Variants in DACH2 observed in about 807,000 individuals in gnomAD.
The protein encoded by DACH2 is dachshund family transcription factor 2, also known as dachshund homolog 2.
A neutral mutation model predicts 35.8 loss-of-function variants in DACH2; 17 were observed. The ratio of observed to expected loss-of-function variants is 0.48; its 90% CI spans 0.33 to 0.71. The LOEUF (loss-of-function observed/expected upper bound fraction) is 0.71. DACH2 is among the 30% of genes least tolerant of loss of function. DACH2 has a pLI of 0.02. For synonymous variants in DACH2, 195 were observed against 177.3 expected (o/e 1.10, Z -0.79); for missense variants, 469 against 472.7 (o/e 0.99, Z 0.07).
At chrX:86,511,824 T>C (rs1400657172) in intron 2 of DACH2, among the ~76,000 whole-genome samples, 8 of 111,865 alleles carry the variant, frequency 7.2e-5, no homozygotes, top group Non-Finnish European at 1.1e-4. Context: ...GATCTATCCA[T>C]AGCCTTCTTT....
At chrX:86,400,440 A>G (rs2036402832) in intron 2 of DACH2, among the ~76,000 whole-genome samples, 1 of 111,463 alleles carries the variant, frequency 9.0e-6, no homozygotes, top group Non-Finnish European at 1.9e-5. Flanking sequence ...GTTCCTTTGG[A>G]GGAGGAGAGG....
chrX:86,643,708 A>C (rs1057083223), intron 3 of DACH2, among the ~76,000 whole-genome samples: 5 of 110,999 alleles, frequency 4.5e-5, no homozygotes, highest in Non-Finnish European at 9.5e-5. Context: ...GCAAAAAAAA[A>C]CCTCCACAAA....
chrX:86,653,853 G>C (rs1326999380), intron 4 of DACH2, among the ~76,000 whole-genome samples: 1 of 109,166 alleles, frequency 9.2e-6, no homozygotes, highest in Non-Finnish European at 1.9e-5. Context: ...TTTTAGTAGA[G>C]AAGGGGTTTC....
In DACH2 at chrX:86,814,766, G is replaced by A. The variant is rs143491219; in HGVS notation, c.1616G>A (p.Arg539His). Residue 539 changes from arginine to histidine, a missense_variant, in exon 10 of 12, where the codon CGC becomes CAC. This residue lies in a region of DACH2 where 363 missense variants were observed against 334.4 expected (regional missense o/e 1.09). Transcript: ENST00000373125. ...GAAGCCTTGGAATTTGAATCAAAGC[G>A]CCGGGAGCAAGTGGAGCAGGCACTT... ...LQEALEFESK[R>H]REQVEQALKQ... The A allele has an allele frequency of 4.2e-5, 51 of 1,209,522 alleles. No individual in the cohort carries two copies. Among genetic ancestry groups the A allele is most frequent in the East Asian group, 5.9e-5 (2 of 33,733 alleles).
At chrX:86,231,418 G>A (rs2032945720) in intron 1 of DACH2, among the ~76,000 whole-genome samples, 2 of 110,269 alleles carry the variant, frequency 1.8e-5, no homozygotes, top group Non-Finnish European at 3.8e-5. Context: ...AGGTGTGTCT[G>A]GACTCAGACT....
chrX:86,565,179 C>T (rs1171121201), intron 3 of DACH2, among the ~76,000 whole-genome samples: 1 of 111,763 alleles, frequency 8.9e-6, no homozygotes, highest in Admixed American at 9.6e-5. Flanking sequence ...ATTCATCTGC[C>T]TGCAGTACCC....
At chrX:86,572,692 A>G (rs1324466819) in intron 3 of DACH2, among the ~76,000 whole-genome samples, 3 of 111,617 alleles carry the variant, frequency 2.7e-5, no homozygotes, top group Non-Finnish European at 5.7e-5. Context: ...GATTCATCAT[A>G]TGTATCAGGT....
chrX:86,741,599 A>T (rs1471918601), intron 7 of DACH2, among the ~76,000 whole-genome samples: 1 of 111,771 alleles, frequency 8.9e-6, no homozygotes, highest in African/African-American at 3.2e-5. Context: ...TACGACATAG[A>T]CTACCTGGTT....
chrX:86,720,972 C>A (rs1054317898), intron 6 of DACH2, among the ~76,000 whole-genome samples: 1 of 112,572 alleles, frequency 8.9e-6, no homozygotes, highest in Admixed American at 9.3e-5. Context: ...TTGGGGCTTG[C>A]ACCCTCTGAA....
intron 1 of DACH2, among the ~76,000 whole-genome samples, chrX:86,283,347 A>T (rs5968855): frequency 0.43 from 47,220 of 109,830 alleles, 7,872 homozygotes; most frequent in East Asian, 0.54. Context: ...CTAGAACTAG[A>T]AATACCATTG....
chrX:86,600,707 G>A (rs2039778642), intron 3 of DACH2, among the ~76,000 whole-genome samples: 1 of 111,669 alleles, frequency 9.0e-6, no homozygotes, highest in African/African-American at 3.3e-5. Flanking sequence ...GGATGTCATA[G>A]CCACTTTTAT....
At chrX:86,509,243 T>C (rs768674833) in intron 2 of DACH2, among the ~76,000 whole-genome samples, 4 of 111,601 alleles carry the variant, frequency 3.6e-5, no homozygotes, top group Non-Finnish European at 7.5e-5. Flanking sequence ...CTCTGGTGTG[T>C]TTTTAATTCT....
At chrX:86,322,462 G>A (rs1298949777) in intron 1 of DACH2, among the ~76,000 whole-genome samples, 3 of 111,001 alleles carry the variant, frequency 2.7e-5, no homozygotes, top group East Asian at 2.9e-4. Flanking sequence ...CCCCACCGAC[G>A]GTTCTCCCTC....
chrX:86,255,736 G>A (rs2033506091), intron 1 of DACH2, among the ~76,000 whole-genome samples: 1 of 111,560 alleles, frequency 9.0e-6, no homozygotes, highest in Admixed American at 9.6e-5. Context: ...AAGTAAATGG[G>A]AACAAAATAA....
At chrX:86,639,718 AG>A (rs2040322590) in intron 3 of DACH2, among the ~76,000 whole-genome samples, 1 of 111,472 alleles carries the variant, frequency 9.0e-6, no homozygotes, top group South Asian at 3.8e-4. Flanking sequence ...TCCTTGGTGG[AG>A]GGGCAGGCCA....
At chrX:86,266,640 G>A (rs1449104051) in intron 1 of DACH2, among the ~76,000 whole-genome samples, 1 of 111,417 alleles carries the variant, frequency 9.0e-6, no homozygotes, top group Non-Finnish European at 1.9e-5. Flanking sequence ...GAACCAGACT[G>A]CCCGGTTTTG....
chrX:86,615,228 T>C (rs1244517727), intron 3 of DACH2, among the ~76,000 whole-genome samples: 1 of 111,890 alleles, frequency 8.9e-6, no homozygotes, highest in Non-Finnish European at 1.9e-5. Context: ...AAATGACATT[T>C]CAAGCATTTC....
At chrX:86,342,006 T>C (rs1466061255) in intron 1 of DACH2, among the ~76,000 whole-genome samples, 1 of 111,912 alleles carries the variant, frequency 8.9e-6, no homozygotes, top group Admixed American at 9.5e-5. Flanking sequence ...GCTGTGATCA[T>C]TGCCAAAATG....
intron 2 of DACH2, among the ~76,000 whole-genome samples, chrX:86,465,984 T>G (rs1190399710): frequency 1.8e-5 from 2 of 111,735 alleles, no homozygotes; most frequent in Non-Finnish European, 3.8e-5. Context: ...CATGTATGAA[T>G]TTTTTGGATA....
Sources: allele counts gnomAD v4.1 joint callset (sites outside exome capture counted in the v4.1 genomes callset), GRCh38; gene constraint gnomAD v4.1.1; regional missense constraint gnomAD v4.1.1; transcripts MANE v1.5; gene names NCBI Gene and HGNC (gene_info 2026-07-23, HGNC 2026-07-21).